The following NLGN1 variants were observed in gnomAD, a reference collection of about 807,000 sequenced individuals.
NLGN1 encodes the protein neuroligin 1.
A neutral mutation model predicts 65.5 loss-of-function variants in NLGN1; 12 were observed. The observed-to-expected ratio is 0.18, with a 90% CI of 0.12 to 0.30. The LOEUF (loss-of-function observed/expected upper bound fraction) is 0.30, where lower values mean the gene tolerates loss of function less well. NLGN1 is among the 10% of genes least tolerant of loss of function. NLGN1 has a pLI of 1.00. For synonymous variants in NLGN1, 350 were observed against 359.5 expected, an observed-to-expected ratio of 0.97 and a Z score of 0.30; for missense variants, 750 against 1,007.1, an observed-to-expected ratio of 0.74 and a Z score of 3.46.
chr3:173,525,339 A>C (rs1210330140), intron 2 of NLGN1, among the ~76,000 whole-genome samples: 1 of 151,588 alleles, frequency 6.6e-6, no homozygotes, highest in African/African-American at 2.4e-5. Flanking sequence ...TTCTTCTTTA[A>C]TCTTGGGAGG....
chr3:173,796,238 G>A (rs1453786885), intron 3 of NLGN1, among the ~76,000 whole-genome samples: 1 of 152,028 alleles, frequency 6.6e-6, no homozygotes, highest in Non-Finnish European at 1.5e-5. Context: ...ATAAAAAGCA[G>A]CATTAATATG....
intron 3 of NLGN1, among the ~76,000 whole-genome samples, chr3:173,678,123 T>C (rs1763420071): frequency 2.0e-5 from 3 of 152,098 alleles, no homozygotes; most frequent in African/African-American, 4.8e-5. Flanking sequence ...TGAAATACAA[T>C]GTATCTAGTC....
chr3:174,264,101 CTG>C lies in NLGN1; in HGVS notation c.647-11213_647-11212del, dbSNP rs1213905973. On this transcript the variant is annotated intron_variant, in intron 4 of 6. Transcript: ENST00000457714. ...TTTGAGGGTAACCCGACCTTTCTCT[CTG>C]GCTGCCCTTAACATTTTTTCCTTCA... Among the ~76,000 whole-genome samples, 728 of 144,754 alleles carry C rather than the reference CTG, an allele frequency of 5.0e-3. 5 individuals carry two copies. The highest frequency in any genetic ancestry group is 0.017 in the African/African-American group (669 of 39,158). The allele number at this position is 144,754 out of a possible 152,430, so 95.0% of individuals were successfully genotyped here.
chr3:173,990,635 T>C (rs1488690244), intron 4 of NLGN1, among the ~76,000 whole-genome samples: 1 of 152,160 alleles, frequency 6.6e-6, no homozygotes, highest in African/African-American at 2.4e-5. Flanking sequence ...TATTCCATAA[T>C]TATAATGGCA....
intron 4 of NLGN1, among the ~76,000 whole-genome samples, chr3:174,004,017 T>C (rs1723856287): frequency 6.6e-6 from 1 of 152,180 alleles, no homozygotes; most frequent in Admixed American, 6.5e-5. Flanking sequence ...ATAATCCACA[T>C]GCAGTTCTGC....
At chr3:174,223,024 TA>T (rs1738949734) in intron 4 of NLGN1, among the ~76,000 whole-genome samples, 2 of 152,212 alleles carry the variant, frequency 1.3e-5, no homozygotes, top group Non-Finnish European at 2.9e-5. Context: ...TAGATGCTTA[TA>T]TGCTTTGTGC....
intron 4 of NLGN1, among the ~76,000 whole-genome samples, chr3:174,204,058 G>A (rs1734992034): frequency 6.6e-6 from 1 of 152,066 alleles, no homozygotes; most frequent in Non-Finnish European, 1.5e-5. Context: ...TTAGACATAA[G>A]AGACAACAGA....
intron 3 of NLGN1, among the ~76,000 whole-genome samples, chr3:173,675,029 G>C (rs202247123): frequency 7.5e-4 from 114 of 151,220 alleles, no homozygotes; most frequent in Non-Finnish European, 2.7e-4. Flanking sequence ...ATTATTTTTC[G>C]TATGTTGGCC....
chr3:174,137,271 A>G (rs1379861657), intron 4 of NLGN1, among the ~76,000 whole-genome samples: 2 of 152,166 alleles, frequency 1.3e-5, no homozygotes, highest in African/African-American at 4.8e-5. Flanking sequence ...TAGAAAATGG[A>G]ATATACCAGC....
intron 2 of NLGN1, among the ~76,000 whole-genome samples, chr3:173,601,911 C>T (rs1750604914): frequency 6.6e-6 from 1 of 152,022 alleles, no homozygotes; most frequent in Non-Finnish European, 1.5e-5. Context: ...GAGACTTCGT[C>T]TTCTGAAGAA....
chr3:174,111,411 C>G (rs1715193880), intron 4 of NLGN1, among the ~76,000 whole-genome samples: 1 of 151,764 alleles, frequency 6.6e-6, no homozygotes, highest in Admixed American at 6.6e-5. Context: ...TATGTGAACC[C>G]TCCTTTCCCA....
intron 4 of NLGN1, among the ~76,000 whole-genome samples, chr3:174,135,781 C>T (rs1386742199): frequency 6.6e-6 from 1 of 151,988 alleles, no homozygotes; most frequent in Non-Finnish European, 1.5e-5. Context: ...ACAAAATTTA[C>T]CGATCAAGAA....
Position 173,979,355 on chromosome 3 carries a change from A to G in NLGN1, c.646+171523A>G, listed in dbSNP as rs1265368646. Among the ~76,000 whole-genome samples, 5 of 152,268 alleles carry G rather than the reference A, an allele frequency of 3.3e-5. No individual in the cohort carries two copies. The East Asian group carries it at 9.7e-4, about 29-fold the overall frequency. On this transcript the variant is annotated intron_variant, in intron 4 of 6. Transcript: ENST00000457714. ...TAGGAATAATCCAAGGAATAGGGAA[A>G]TATTAAAGATACATAAAATGAAGTA...
chr3:173,680,872 A>G (rs992717952), intron 3 of NLGN1, among the ~76,000 whole-genome samples: 1 of 152,164 alleles, frequency 6.6e-6, no homozygotes, highest in Non-Finnish European at 1.5e-5. Flanking sequence ...TCTGGCTCCA[A>G]CTGAAGCAAT....
At chr3:173,651,713 G>A (rs1398992860) in intron 3 of NLGN1, among the ~76,000 whole-genome samples, 5 of 152,082 alleles carry the variant, frequency 3.3e-5, no homozygotes, top group Admixed American at 1.3e-4. Context: ...GATGGTTAGT[G>A]ATGTTGAGCA....
intron 2 of NLGN1, among the ~76,000 whole-genome samples, chr3:173,457,503 T>C (rs946711276): frequency 1.3e-5 from 2 of 152,124 alleles, no homozygotes; most frequent in Non-Finnish European, 2.9e-5. Flanking sequence ...TTAGAGGCCA[T>C]GCCAAAGAAT....
chr3:174,221,928 AT>A (rs1235055693), intron 4 of NLGN1, among the ~76,000 whole-genome samples: 1 of 151,658 alleles, frequency 6.6e-6, no homozygotes, highest in Non-Finnish European at 1.5e-5. Context: ...TTTGTTTTTC[AT>A]TTTATAAAGA....
chr3:173,820,886 T>G lies in NLGN1; in HGVS notation c.646+13054T>G, dbSNP rs116688933. On this transcript the variant is annotated intron_variant, in intron 4 of 6. Transcript: ENST00000457714. ...TTGAGGCTCAGCTTAATGTTGTTCA[T>G]TTGTAAAGATAAGAAATAAAAGGAA... Among the ~76,000 whole-genome samples, 149 of 152,320 alleles carry G rather than the reference T, an allele frequency of 9.8e-4. 1 individual carries two copies. Among genetic ancestry groups the G allele is most frequent in the African/African-American group, 3.3e-3 (136 of 41,586 alleles).
intron 4 of NLGN1, among the ~76,000 whole-genome samples, chr3:173,971,947 T>TG (rs1202024401): frequency 4.0e-5 from 6 of 151,754 alleles, no homozygotes; most frequent in African/African-American, 1.2e-4. Flanking sequence ...AAGAAGACTA[T>TG]GGGGAGTGGA....
Sources: allele counts gnomAD v4.1 joint callset (sites outside exome capture counted in the v4.1 genomes callset), GRCh38; gene constraint gnomAD v4.1.1; transcripts MANE v1.5; gene names NCBI Gene and HGNC (gene_info 2026-07-23, HGNC 2026-07-21).